The following PLD5 variants were observed in gnomAD, a reference collection of about 807,000 sequenced individuals.
PLD5 encodes the protein phospholipase D family member 5, also known as inactive phospholipase D5.
In PLD5, 36 loss-of-function variants were observed where a neutral mutation model predicts 61.1. The observed-to-expected ratio is 0.59, with a 90% CI of 0.45 to 0.78. The LOEUF is 0.78. Ranked by LOEUF, PLD5 falls within the 30% of genes least tolerant of loss-of-function variation. The probability of loss-of-function intolerance (pLI) is 0.00; values close to 1 mark genes in which losing one functional copy is unlikely to be tolerated. For missense variants in PLD5, 515 were observed against 644.4 expected, an observed-to-expected ratio of 0.80 and a Z score of 2.17; for synonymous variants, 243 against 242.8, an observed-to-expected ratio of 1.00 and a Z score of -0.01.
At position 242,128,553 on chromosome 1, in the gene PLD5, A is replaced by T. The variant is rs922327605; in HGVS notation, c.736-3888T>A. On this transcript the variant is annotated intron_variant, in intron 5 of 9. Coordinates refer to ENST00000536534, the MANE Select transcript of PLD5 (RefSeq NM_001372062.1). The stretch of plus-strand genomic sequence containing the variant: ...CGTTCAGGCTGCTGTTGAAGACGAA[A>T]ATCAAGCAAACAAAAACAACTATTG... Among the ~76,000 whole-genome samples the T allele has an allele frequency of 2.6e-5, 4 of 152,184 alleles. No individual in the cohort carries two copies. The East Asian group carries it at 7.7e-4, about 29-fold the overall frequency.
chr1:242,506,622 C>G (rs912298755), intron 1 of PLD5, among the ~76,000 whole-genome samples: 1 of 152,112 alleles, frequency 6.6e-6, no homozygotes, highest in Non-Finnish European at 1.5e-5. Flanking sequence ...TCAATTCCAC[C>G]ATAAAGCTTT....
At chr1:242,481,630 G>A (rs1052852635) in intron 1 of PLD5, among the ~76,000 whole-genome samples, 3 of 152,198 alleles carry the variant, frequency 2.0e-5, no homozygotes, top group African/African-American at 7.2e-5. Context: ...TGCACCTCTG[G>A]GGGCAGGGCA....
intron 1 of PLD5, among the ~76,000 whole-genome samples, chr1:242,376,297 C>T (rs550282923): frequency 6.6e-6 from 1 of 152,260 alleles, no homozygotes; most frequent in South Asian, 2.1e-4. Context: ...GAGCAACCTG[C>T]AAGACTGCTT....
chr1:242,440,454 GAAT>G (rs1666220308), intron 1 of PLD5, among the ~76,000 whole-genome samples: 1 of 152,162 alleles, frequency 6.6e-6, no homozygotes. Flanking sequence ...GCTTGATGCA[GAAT>G]AATTAAAGAC....
At chr1:242,105,365 A>G (rs1480430298) in intron 8 of PLD5, among the ~76,000 whole-genome samples, 1 of 151,976 alleles carries the variant, frequency 6.6e-6, no homozygotes, top group Non-Finnish European at 1.5e-5. Flanking sequence ...CTAGGATTAC[A>G]GGTGTGCACC....
At chr1:242,340,501 TA>T (rs532691633) in intron 2 of PLD5, among the ~76,000 whole-genome samples, 69 of 142,854 alleles carry the variant, frequency 4.8e-4, no homozygotes, top group East Asian at 4.7e-3. Context: ...AAGATGAAAG[TA>T]AAAAAAAAAA....
At chr1:242,251,606 A>G (rs903874304) in intron 4 of PLD5, among the ~76,000 whole-genome samples, 8 of 152,228 alleles carry the variant, frequency 5.3e-5, no homozygotes, top group African/African-American at 1.9e-4. Flanking sequence ...CCAGTGGTGC[A>G]TAAACCTGAA....
At chr1:242,425,068 G>A (rs1260283501) in intron 1 of PLD5, among the ~76,000 whole-genome samples, 1 of 152,168 alleles carries the variant, frequency 6.6e-6, no homozygotes, top group Non-Finnish European at 1.5e-5. Flanking sequence ...GGAGGCAGAG[G>A]TTGCAGTGAG....
intron 5 of PLD5, among the ~76,000 whole-genome samples, chr1:242,127,282 A>G (rs6693376): frequency 0.068 from 10,341 of 152,286 alleles, 1,160 homozygotes; most frequent in African/African-American, 0.23. Context: ...CTACCATTGG[A>G]TCCAGCAATC....
chr1:242,224,673 C>CTG (rs1441274875), intron 4 of PLD5, among the ~76,000 whole-genome samples: 4 of 152,096 alleles, frequency 2.6e-5, no homozygotes, highest in African/African-American at 9.7e-5. Context: ...TCACAGGAAG[C>CTG]CTTTTCTAAA....
At chr1:242,143,511 T>A (rs1574385187) in intron 5 of PLD5, among the ~76,000 whole-genome samples, 1 of 152,324 alleles carries the variant, frequency 6.6e-6, no homozygotes, top group African/African-American at 2.4e-5. Context: ...TCTTGAAGGA[T>A]CTTAAAACCG....
Position 242,150,121 on chromosome 1 carries a change from A to G in PLD5, c.736-25456T>C, listed in dbSNP as rs536738943. ...TATGGGATATTGTCCAGATTTTTTT[A>G]TTGATTTCTAGTTTTTTATTCATAT... On this transcript the variant is annotated intron_variant, in intron 5 of 9. Coordinates refer to ENST00000536534, the MANE Select transcript of PLD5 (RefSeq NM_001372062.1). 4.0e-5 allele frequency among the ~76,000 whole-genome samples: 6 copies of G among 151,680 alleles called. No homozygotes were observed. In the South Asian group the frequency reaches 1.0e-3, roughly 26 times the overall value.
intron 5 of PLD5, among the ~76,000 whole-genome samples, chr1:242,197,858 T>A (rs545943845): frequency 1.3e-5 from 2 of 152,284 alleles, no homozygotes; most frequent in East Asian, 3.9e-4. Context: ...GGTCTCGAAC[T>A]CCTGACCTCA....
chr1:242,376,933 C>T lies in PLD5; in HGVS notation c.190-28691G>A. The stretch of plus-strand genomic sequence containing the variant: ...TGGATCATCTGTGGCTATTTCTCGG[C>T]TGAGCTCATCCTTTTGGATTTGATG... On this transcript the variant is annotated intron_variant, in intron 1 of 9. Transcript: ENST00000536534. The T allele has an allele frequency of 1.4e-5, 22 of 1,604,934 alleles. 1 individual carries two copies. In the South Asian group the frequency reaches 2.3e-4, roughly 17 times the overall value.
chr1:242,415,917 TTAA>T (rs1664813421), intron 1 of PLD5, among the ~76,000 whole-genome samples: 1 of 152,092 alleles, frequency 6.6e-6, no homozygotes, highest in African/African-American at 2.4e-5. Context: ...CTTATTTACA[TTAA>T]TTATAAAGCA....
chr1:242,495,713 C>A (rs886717911), intron 1 of PLD5, among the ~76,000 whole-genome samples: 1 of 152,178 alleles, frequency 6.6e-6, no homozygotes, highest in African/African-American at 2.4e-5. Flanking sequence ...GATTTCTAAT[C>A]TCTAACAATC....
At chr1:242,528,607 A>G (rs1366644168), upstream of PLD5, among the ~76,000 whole-genome samples, 1 of 152,234 alleles carries the variant, frequency 6.6e-6, no homozygotes, top group Non-Finnish European at 1.5e-5. Context: ...TTACATTTCC[A>G]CAATAGTTAC....
intron 5 of PLD5, among the ~76,000 whole-genome samples, chr1:242,138,137 C>G (rs769944843): frequency 6.6e-6 from 1 of 152,086 alleles, no homozygotes; most frequent in Non-Finnish European, 1.5e-5. Flanking sequence ...CTGCTTAGTT[C>G]GTAGACTGGT....
chr1:242,374,158 C>T (rs150472356), intron 1 of PLD5, among the ~76,000 whole-genome samples: 1 of 152,226 alleles, frequency 6.6e-6, no homozygotes, highest in African/African-American at 2.4e-5. Flanking sequence ...TCATTGATAG[C>T]AATTGCATGT....
Sources: gnomAD v4.1 joint callset for allele counts (sites outside exome capture counted in the v4.1 genomes callset) on GRCh38, gnomAD v4.1.1 for gene constraint, MANE v1.5 for transcripts, NCBI Gene and HGNC (gene_info 2026-07-23, HGNC 2026-07-21) for gene names.